ZFHX3: variants seen among roughly 807,000 people sequenced by gnomAD.
The protein encoded by ZFHX3 is zinc finger homeobox protein 3.
ZFHX3 carries 42 observed loss-of-function variants against 279.1 expected under a neutral mutation model. The ratio of observed to expected loss-of-function variants is 0.15; its 90% CI spans 0.12 to 0.19. The LOEUF is 0.19. ZFHX3 is among the 10% of genes least tolerant of loss of function. ZFHX3 has a pLI of 1.00. For missense variants in ZFHX3, 4,981 were observed against 4,754.0 expected, an observed-to-expected ratio of 1.05 and a Z score of -1.40; for synonymous variants, 2,293 against 1,957.8, an observed-to-expected ratio of 1.17 and a Z score of -4.52.
chr16:73,330,629 A>G (rs775894187), intron 3 of ZFHX3, among the ~76,000 whole-genome samples: 3 of 152,278 alleles, frequency 2.0e-5, no homozygotes, highest in Non-Finnish European at 2.9e-5. Flanking sequence ...TTCTAGGCTG[A>G]TGGGTGGATG....
chr16:73,821,994 C>A (rs757472648), intron 1 of ZFHX3, among the ~76,000 whole-genome samples: 3 of 152,204 alleles, frequency 2.0e-5, no homozygotes, highest in Non-Finnish European at 4.4e-5. Context: ...TCCCCCTCTA[C>A]ATTTGCCTTT....
chr16:73,592,143 G>T (rs2052006089), intron 2 of ZFHX3, among the ~76,000 whole-genome samples: 1 of 152,140 alleles, frequency 6.6e-6, no homozygotes, highest in African/African-American at 2.4e-5. Flanking sequence ...CAAGACAGGA[G>T]AACTGCTTGA....
chr16:73,369,751 T>C (rs1324984493), intron 3 of ZFHX3, among the ~76,000 whole-genome samples: 1 of 152,140 alleles, frequency 6.6e-6, no homozygotes, highest in East Asian at 1.9e-4. Context: ...TATTAAAAAG[T>C]TCAAGGTGAT....
intron 7 of ZFHX3, among the ~76,000 whole-genome samples, chr16:72,806,516 G>A (rs2036272784): frequency 6.6e-6 from 1 of 152,128 alleles, no homozygotes; most frequent in African/African-American, 2.4e-5. Context: ...ATCTCACAGG[G>A]CTTGGAATTA....
Position 72,958,406 on chromosome 16 carries a change from A to G in ZFHX3, c.1740T>C (p.Asn580=), listed in dbSNP as rs558538398. The change falls in exon 2 of 10, where the codon AAT becomes AAC. Residue 580 remains asparagine (N), a synonymous_variant. Coordinates refer to ENST00000268489, the MANE Select transcript of ZFHX3 (RefSeq NM_006885.4). ...LSFNSEGVRA[N]VAEGGRRLDF... is the part of the protein sequence containing the mutation. Reference sequence around the variant, plus strand: ...CCAGCCTCCTGCCGCCCTCTGCCACATTGGCCCTGACGCCCTCACTGTTAA... The same window carrying G: ...CCAGCCTCCTGCCGCCCTCTGCCACGTTGGCCCTGACGCCCTCACTGTTAA... 3.7e-6 allele frequency: 6 copies of G among 1,614,118 alleles called. No individual in the cohort carries two copies. Among genetic ancestry groups the G allele is most frequent in the South Asian group, 2.2e-5 (2 of 91,084 alleles).
intron 1 of ZFHX3, among the ~76,000 whole-genome samples, chr16:73,025,659 C>T (rs962192548): frequency 2.0e-5 from 3 of 152,144 alleles, no homozygotes; most frequent in Non-Finnish European, 4.4e-5. Flanking sequence ...TGGCATCTGG[C>T]CCCCTGACAC....
At chr16:73,723,039 T>A (rs1303216723) in intron 1 of ZFHX3, among the ~76,000 whole-genome samples, 3 of 152,176 alleles carry the variant, frequency 2.0e-5, no homozygotes, top group African/African-American at 4.8e-5. Flanking sequence ...ATAGTGCAAA[T>A]GTTCTCCTTT....
intron 7 of ZFHX3, among the ~76,000 whole-genome samples, chr16:73,104,111 T>G (rs150395312): frequency 1.7e-4 from 26 of 152,172 alleles, no homozygotes; most frequent in Non-Finnish European, 1.6e-4. Context: ...CAGACTGTTA[T>G]GGGAGGTCTC....
intron 5 of ZFHX3, among the ~76,000 whole-genome samples, chr16:73,242,576 A>G (rs1216024244): frequency 8.5e-5 from 13 of 152,240 alleles, no homozygotes; most frequent in Non-Finnish European, 1.5e-5. Context: ...CAGAAGCTAC[A>G]GAAGGAATGC....
chr16:73,249,546 A>G (rs182967056), intron 5 of ZFHX3, among the ~76,000 whole-genome samples: 87 of 152,294 alleles, frequency 5.7e-4, no homozygotes, highest in Admixed American at 2.1e-3. Context: ...CGAGAAGAGT[A>G]TGGGGGAAAC....
intron 3 of ZFHX3, among the ~76,000 whole-genome samples, chr16:73,421,835 C>G (rs952311277): frequency 6.6e-6 from 1 of 152,014 alleles, no homozygotes; most frequent in African/African-American, 2.4e-5. Flanking sequence ...ATGCCCAGGA[C>G]AAAACTTGAG....
chr16:73,460,674 G>C (rs536992328), intron 2 of ZFHX3, among the ~76,000 whole-genome samples: 28 of 152,318 alleles, frequency 1.8e-4, no homozygotes, highest in African/African-American at 5.3e-4. Flanking sequence ...ATGTTGAAAT[G>C]TAATTCCCAA....
rs1490749937 is a variant in ZFHX3, at chr16:73,503,822, A to T, written c.-1546-47564T>A. On this transcript the variant is annotated intron_variant, in intron 2 of 17. Transcript: ENST00000641206. ...TTCACAATTGGCATTTTTTGGTAACAGTTTTGACCTGTTTCTTCCAAAAGT... is the reference window on the plus strand; with the variant it reads ...TTCACAATTGGCATTTTTTGGTAACTGTTTTGACCTGTTTCTTCCAAAAGT... 2.6e-5 allele frequency among the ~76,000 whole-genome samples: 4 copies of T among 152,214 alleles called. No individual in the cohort carries two copies. The East Asian group carries it at 7.7e-4, about 29-fold the overall frequency.
chr16:73,104,874 C>T (rs1349033991), intron 7 of ZFHX3, among the ~76,000 whole-genome samples: 1 of 152,142 alleles, frequency 6.6e-6, no homozygotes, highest in African/African-American at 2.4e-5. Context: ...CTTCCATCAT[C>T]ATATGGCTGA....
intron 3 of ZFHX3, among the ~76,000 whole-genome samples, chr16:73,453,474 G>A (rs566799163): frequency 6.6e-5 from 10 of 152,280 alleles, no homozygotes; most frequent in East Asian, 1.9e-4. Context: ...CTTCCATGCC[G>A]GAAGGACACT....
chr16:73,053,932 A>C (rs1009759313), intron 1 of ZFHX3, among the ~76,000 whole-genome samples: 2 of 152,080 alleles, frequency 1.3e-5, no homozygotes, highest in South Asian at 4.2e-4. Flanking sequence ...ACACAAGAAA[A>C]CTCTATAAAA....
chr16:73,337,434 A>G (rs2015935920), intron 3 of ZFHX3, among the ~76,000 whole-genome samples: 1 of 152,062 alleles, frequency 6.6e-6, no homozygotes, highest in Non-Finnish European at 1.5e-5. Context: ...AAGTGGGTGG[A>G]TGTCTTCATC....
At chr16:73,521,111 A>G (rs933530832) in intron 2 of ZFHX3, among the ~76,000 whole-genome samples, 12 of 152,198 alleles carry the variant, frequency 7.9e-5, no homozygotes, top group African/African-American at 2.9e-4. Context: ...CCTGATTTTT[A>G]AGGCAGTTAA....
intron 5 of ZFHX3, among the ~76,000 whole-genome samples, chr16:73,180,243 C>A (rs1001662200): frequency 3.3e-5 from 5 of 152,120 alleles, no homozygotes; most frequent in Admixed American, 6.5e-5. Flanking sequence ...GTACACAGAT[C>A]CAAATATTTG....
Sources: allele counts gnomAD v4.1 joint callset (sites outside exome capture counted in the v4.1 genomes callset), GRCh38; gene constraint gnomAD v4.1.1; transcripts MANE v1.5; gene names NCBI Gene and HGNC (gene_info 2026-07-23, HGNC 2026-07-21).